Variants in MAGT1 observed in about 807,000 individuals in gnomAD.
MAGT1 encodes dolichyl-diphosphooligosaccharide--protein glycosyltransferase subunit MAGT1.
MAGT1 carries 4 observed loss-of-function variants against 28.4 expected under a neutral mutation model. The observed-to-expected ratio is 0.14, with a 90% CI of 0.07 to 0.32. The LOEUF is 0.32. MAGT1 is among the 10% of genes least tolerant of loss of function. The probability of loss-of-function intolerance (pLI) is 1.00; values close to 1 mark genes in which losing one functional copy is unlikely to be tolerated. For missense variants in MAGT1, 193 were observed against 264.5 expected (o/e 0.73, Z 1.88); for synonymous variants, 89 against 89.7 (o/e 0.99, Z 0.04).
Position 77,875,410 on chromosome X carries a change from C to T in MAGT1, c.272+18G>A, listed in dbSNP as rs782342148. On this transcript the variant is annotated intron_variant, in intron 2 of 9. Transcript: ENST00000618282. ...TTATATGAGTTATTTAATTTTAAAGCGTAGTTGGAGTTCATACTTGCAAAC... is the reference window on the plus strand; with the variant it reads ...TTATATGAGTTATTTAATTTTAAAGTGTAGTTGGAGTTCATACTTGCAAAC... 8 of 1,199,334 alleles carry T rather than the reference C, an allele frequency of 6.7e-6. 1 individual carries two copies. In the South Asian group the frequency reaches 1.1e-4, roughly 16 times the overall value.
chrX:77,845,342 G>C (rs782520623), intron 7 of MAGT1, among the ~76,000 whole-genome samples: 1 of 111,259 alleles, frequency 9.0e-6, no homozygotes. Context: ...GTCTCTGCAC[G>C]TGAGATGGGT....
intron 1 of MAGT1, among the ~76,000 whole-genome samples, chrX:77,883,112 T>A (rs1476928828): frequency 2.0e-5 from 2 of 102,241 alleles, no homozygotes; most frequent in African/African-American, 7.0e-5. Flanking sequence ...ATAACATAAT[T>A]ATATTATAAT....
At chrX:77,857,326 A>G (rs900993511) in intron 4 of MAGT1, 31 bp downstream of exon 4, 2 of 1,209,112 alleles carry the variant, frequency 1.7e-6, no homozygotes, top group Non-Finnish European at 1.1e-6. Flanking sequence ...GATAATGGCC[A>G]AGAAACAGTC....
intron 8 of MAGT1, among the ~76,000 whole-genome samples, chrX:77,839,942 C>T (rs142285298): frequency 0.038 from 4,243 of 110,954 alleles, 88 homozygotes; most frequent in Middle Eastern, 0.11. Flanking sequence ...CCACTGCGCC[C>T]GGCCAAAACA....
At chrX:77,882,500 A>G (rs1284689872) in intron 1 of MAGT1, among the ~76,000 whole-genome samples, 1 of 111,819 alleles carries the variant, frequency 8.9e-6, no homozygotes, top group Non-Finnish European at 1.9e-5. Flanking sequence ...GAGAAAAACA[A>G]GTGTGAAGCA....
At chrX:77,853,321 C>A (rs1173132086) in intron 7 of MAGT1, among the ~76,000 whole-genome samples, 1 of 111,901 alleles carries the variant, frequency 8.9e-6, no homozygotes, top group South Asian at 3.7e-4. Context: ...AGACTTCTTG[C>A]AATTATATGA....
chrX:77,893,078 G>A (rs1285503135), intron 1 of MAGT1, among the ~76,000 whole-genome samples: 1 of 111,881 alleles, frequency 8.9e-6, no homozygotes, highest in Non-Finnish European at 1.9e-5. Context: ...CTTGACCCCA[G>A]GAAGTAGAGG....
At chrX:77,891,819 C>T (rs1304206432) in intron 1 of MAGT1, among the ~76,000 whole-genome samples, 1 of 111,831 alleles carries the variant, frequency 8.9e-6, no homozygotes, top group African/African-American at 3.3e-5. Context: ...CCAATGAAAA[C>T]ATTGTTAAAG....
At chrX:77,883,396 G>GA (rs1468468467) in intron 1 of MAGT1, among the ~76,000 whole-genome samples, 1 of 107,147 alleles carries the variant, frequency 9.3e-6, no homozygotes, top group African/African-American at 3.4e-5. Flanking sequence ...TAACAGACTA[G>GA]AAAGACCAGA....
intron 3 of MAGT1, among the ~76,000 whole-genome samples, chrX:77,861,128 G>A (rs2076993798): frequency 9.2e-6 from 1 of 108,853 alleles, no homozygotes; most frequent in African/African-American, 3.4e-5. Flanking sequence ...GTGGTGAGCC[G>A]AGATCGTGCC....
At chrX:77,890,346 C>T (rs1362201656) in intron 1 of MAGT1, among the ~76,000 whole-genome samples, 1 of 112,145 alleles carries the variant, frequency 8.9e-6, no homozygotes, top group Non-Finnish European at 1.9e-5. Flanking sequence ...CAGATAATTA[C>T]TGAAGAAGAC....
At chrX:77,846,328 A>G (rs1161883636) in intron 7 of MAGT1, among the ~76,000 whole-genome samples, 4 of 111,392 alleles carry the variant, frequency 3.6e-5, no homozygotes, top group Admixed American at 2.9e-4. Context: ...CTAGTTAGCC[A>G]TTCGTCTAAC....
chrX:77,875,817 TATGA>T (rs1335691796), intron 1 of MAGT1, among the ~76,000 whole-genome samples: 118 of 110,073 alleles, frequency 1.1e-3, no homozygotes, highest in African/African-American at 3.1e-3. Flanking sequence ...TGTAATTAAT[TATGA>T]ATGAATGAAT....
At chrX:77,877,193 G>A (rs191134514) in intron 1 of MAGT1, among the ~76,000 whole-genome samples, 47 of 110,145 alleles carry the variant, frequency 4.3e-4, no homozygotes, top group Middle Eastern at 4.7e-3. Flanking sequence ...TTGATATACT[G>A]GACCTCATCA....
intron 6 of MAGT1, 125 bp downstream of exon 6, chrX:77,855,376 C>T: frequency 2.0e-6 from 1 of 512,772 alleles, no homozygotes; most frequent in Non-Finnish European, 3.4e-6. Flanking sequence ...AGCTTGTTAA[C>T]ACAAGAGAGA....
chrX:77,852,771 A>AT (rs781875310), intron 7 of MAGT1, among the ~76,000 whole-genome samples: 1 of 109,662 alleles, frequency 9.1e-6, no homozygotes, highest in South Asian at 3.9e-4. Flanking sequence ...TTTTGTGTGT[A>AT]TTTTTTTGTA....
At chrX:77,837,495 G>T (rs1557214012) in intron 8 of MAGT1, 2 of 110,878 alleles carry the variant, frequency 1.8e-5, no homozygotes, top group African/African-American at 3.3e-5. Context: ...AGACTGAAGT[G>T]CAGTGGTGTG....
chrX:77,864,711 AT>A (rs35275240), intron 3 of MAGT1, among the ~76,000 whole-genome samples: 22 of 106,302 alleles, frequency 2.1e-4, no homozygotes, highest in African/African-American at 6.4e-4. Context: ...TTAAAAAGCA[AT>A]TTTTTTTTTT....
rs1323528629 is a variant in MAGT1, at chrX:77,841,232, G to A, written c.901+14C>T. On this transcript the variant is annotated intron_variant, in intron 8 of 9. Transcript: ENST00000618282. ...TACAGGCAGCACTGTTACATTTTGA[G>A]TAAGGTGACTTACTCTTTCGCTTTC... 1.7e-6 allele frequency: 2 copies of A among 1,163,751 alleles called. No homozygotes were observed. The highest frequency in any genetic ancestry group is 2.3e-6 in the Non-Finnish European group (2 of 853,590).
Sources: gnomAD v4.1 joint callset for allele counts (sites outside exome capture counted in the v4.1 genomes callset) on GRCh38, gnomAD v4.1.1 for gene constraint, MANE v1.5 for transcripts, NCBI Gene and HGNC (gene_info 2026-07-23, HGNC 2026-07-21) for gene names.